HEATR5A: variants seen among roughly 807,000 people sequenced by gnomAD.
HEATR5A encodes the protein HEAT repeat containing 5A.
HEATR5A carries 178 observed loss-of-function variants against 218.8 expected under a neutral mutation model. The ratio of observed to expected loss-of-function variants is 0.81; its 90% CI spans 0.72 to 0.92. HEATR5A has a LOEUF of 0.92. Ranked by LOEUF, HEATR5A falls within the 40% of genes least tolerant of loss-of-function variation. HEATR5A has a pLI of 0.00. For synonymous variants in HEATR5A, 864 were observed against 871.6 expected, an observed-to-expected ratio of 0.99 and a Z score of 0.15; for missense variants, 2,420 against 2,418.9, an observed-to-expected ratio of 1.00 and a Z score of -0.01.
At chr14:31,378,516 G>A (rs966842097) in intron 11 of HEATR5A, among the ~76,000 whole-genome samples, 18 of 152,046 alleles carry the variant, frequency 1.2e-4, no homozygotes, top group African/African-American at 7.2e-5. Flanking sequence ...GGCCAGGTGC[G>A]GTGGCTCACG....
At chr14:31,301,001 C>T (rs574470097) in intron 33 of HEATR5A, among the ~76,000 whole-genome samples, 2 of 152,266 alleles carry the variant, frequency 1.3e-5, no homozygotes, top group South Asian at 4.1e-4. Flanking sequence ...GTAATAATCA[C>T]ACCCTACGGC....
At chr14:31,378,801 CA>C (rs77675897) in intron 11 of HEATR5A, among the ~76,000 whole-genome samples, 3,020 of 105,142 alleles carry the variant, frequency 0.029, 127 homozygotes, top group African/African-American at 0.095. Context: ...AAAAAACAAA[CA>C]AAAAAAAAAA....
chr14:31,383,956 C>A (rs1279840211), intron 9 of HEATR5A, among the ~76,000 whole-genome samples, 185 bp from the exon 10 acceptor site: 2 of 152,096 alleles, frequency 1.3e-5, no homozygotes, highest in African/African-American at 4.8e-5. Context: ...TCTCACCATT[C>A]CTATTCAAAA....
chr14:31,379,660 A>ACAAT (rs1441236959), intron 11 of HEATR5A, among the ~76,000 whole-genome samples: 1 of 152,206 alleles, frequency 6.6e-6, no homozygotes, highest in African/African-American at 2.4e-5. Context: ...GACTGGGCAA[A>ACAAT]AAATAAATAA....
chr14:31,350,182 C>T (rs1396973838), intron 17 of HEATR5A, among the ~76,000 whole-genome samples: 1 of 152,128 alleles, frequency 6.6e-6, no homozygotes, highest in Non-Finnish European at 1.5e-5. Flanking sequence ...TTTTAAACCT[C>T]CAGGCAGCAA....
chr14:31,417,237 A>C (rs1035435016), intron 1 of HEATR5A, among the ~76,000 whole-genome samples: 1 of 152,078 alleles, frequency 6.6e-6, no homozygotes, highest in Admixed American at 6.5e-5. Context: ...GAGAAAATAT[A>C]AAAACTCTTC....
intron 22 of HEATR5A, among the ~76,000 whole-genome samples, chr14:31,327,511 G>A (rs374663421): frequency 6.6e-5 from 10 of 151,322 alleles, no homozygotes; most frequent in African/African-American, 2.2e-4. Flanking sequence ...GGCTGGTCCC[G>A]AACTCCTGAC....
chr14:31,369,634 A>AAAC (rs1901953056), intron 13 of HEATR5A, among the ~76,000 whole-genome samples: 3 of 145,972 alleles, frequency 2.1e-5, no homozygotes, highest in African/African-American at 8.0e-5. Flanking sequence ...AAAAAAAAAA[A>AAAC]AACCCAAAAA....
At chr14:31,364,352 C>A (rs1238202164) in intron 13 of HEATR5A, 54 bp from the exon 14 acceptor site, 6 of 782,692 alleles carry the variant, frequency 7.7e-6, no homozygotes, top group Middle Eastern at 3.2e-4. Flanking sequence ...TAACAATATA[C>A]AAAAATTGAC....
intron 13 of HEATR5A, among the ~76,000 whole-genome samples, chr14:31,364,523 G>A (rs1901734988): frequency 6.6e-6 from 1 of 152,046 alleles, no homozygotes; most frequent in Non-Finnish European, 1.5e-5. Flanking sequence ...GGGCTCAAAC[G>A]ATTCTCCCAC....
In HEATR5A at chr14:31,358,896, G is replaced by A; in HGVS notation, c.2233C>T (p.Gln745Ter). 7.5e-6 allele frequency: 12 copies of A among 1,596,302 alleles called. No individual in the cohort carries two copies. Among genetic ancestry groups the A allele is most frequent in the Non-Finnish European group, 1.0e-5 (12 of 1,173,538 alleles). ...TCAAGAGTAAAAAATGGCCATACCTGTTCTTCAATAAATCTATGGTCAGTC... is the reference window on the plus strand; with the variant it reads ...TCAAGAGTAAAAAATGGCCATACCTATTCTTCAATAAATCTATGGTCAGTC... Reference protein sequence around the residue: ...QETDHRFIEEQLLLGNGVACG... With the variant: ...QETDHRFIEE The change falls in exon 15 of 36, where the codon CAG (glutamine) becomes TAG (stop). Residue 745 changes from glutamine to a stop codon, truncating the protein, a stop_gained and splice_region_variant. Transcript: ENST00000543095. LOFTEE classifies it high-confidence loss of function.
chr14:31,305,267 T>C, intron 31 of HEATR5A, 90 bp from the exon 32 acceptor site: 2 of 1,365,742 alleles, frequency 1.5e-6, no homozygotes, highest in Non-Finnish European at 2.0e-6. Flanking sequence ...GAAATACATG[T>C]ATTTTATTTT....
rs751996591 is a variant in HEATR5A at position 31,323,698 on chromosome 14, A to G, written c.3654T>C (p.Phe1218=). Residue 1218 remains phenylalanine, a synonymous_variant, in exon 24 of 36, where the codon TTT becomes TTC. Coordinates refer to ENST00000543095, the MANE Select transcript of HEATR5A (RefSeq NM_015473.4). ...TTRRDEKSHP[F]TNPRWATRVF... ...CTCTAGTAGCCCATCGGGGATTGGT[A>G]AAAGGATGGGATTTTTCATCACGTC... 10 of 1,613,736 alleles carry G rather than the reference A, an allele frequency of 6.2e-6. No homozygotes were observed. The Admixed American group carries it at 1.5e-4, about 24-fold the overall frequency.
intron 14 of HEATR5A, among the ~76,000 whole-genome samples, chr14:31,363,129 C>T (rs1901681171): frequency 6.6e-6 from 1 of 151,858 alleles, no homozygotes; most frequent in Non-Finnish European, 1.5e-5. Context: ...GTTCCAGCTA[C>T]TCCGGAGGCT....
chr14:31,405,911 C>A (rs891925044), intron 1 of HEATR5A, among the ~76,000 whole-genome samples: 2 of 152,164 alleles, frequency 1.3e-5, no homozygotes, highest in Admixed American at 1.3e-4. Context: ...AGATCATAAG[C>A]AGGTCATAAA....
intron 22 of HEATR5A, among the ~76,000 whole-genome samples, chr14:31,334,945 C>CAAAAAAAA (rs58661759): frequency 1.9e-4 from 18 of 96,542 alleles, no homozygotes; most frequent in Middle Eastern, 5.3e-3. Flanking sequence ...GATTCCATCT[C>CAAAAAAAA]AAAAAAAAAA....
intron 1 of HEATR5A, among the ~76,000 whole-genome samples, chr14:31,411,636 A>T (rs2031275174): frequency 6.6e-6 from 1 of 152,174 alleles, no homozygotes; most frequent in Non-Finnish European, 1.5e-5. Flanking sequence ...GTAACATGGT[A>T]ATGTGCACTA....
intron 33 of HEATR5A, among the ~76,000 whole-genome samples, chr14:31,298,775 T>C (rs1167060396): frequency 1.3e-5 from 2 of 152,146 alleles, no homozygotes; most frequent in Admixed American, 1.3e-4. Flanking sequence ...CCTCCTTTTT[T>C]TCCCCCGTTA....
At chr14:31,309,411 T>C (rs899684532) in intron 28 of HEATR5A, among the ~76,000 whole-genome samples, 4 of 152,208 alleles carry the variant, frequency 2.6e-5, no homozygotes, top group Non-Finnish European at 4.4e-5. Flanking sequence ...TATGTACTTA[T>C]TTGTGACTAA....
Sources: gnomAD v4.1 joint callset for allele counts (sites outside exome capture counted in the v4.1 genomes callset) on GRCh38, gnomAD v4.1.1 for gene constraint, MANE v1.5 for transcripts, NCBI Gene and HGNC (gene_info 2026-07-23, HGNC 2026-07-21) for gene names.